PDCD10: variants seen among roughly 807,000 people sequenced by gnomAD.
PDCD10 encodes programmed cell death 10, also known as programmed cell death protein 10.
In PDCD10, 4 loss-of-function variants were observed where a neutral mutation model predicts 29.2. The ratio of observed to expected loss-of-function variants is 0.14; its 90% confidence interval spans 0.07 to 0.31. The LOEUF is 0.31. Ranked by LOEUF, PDCD10 falls within the 10% of genes least tolerant of loss-of-function variation. The probability of loss-of-function intolerance (pLI) is 1.00; values close to 1 mark genes in which losing one functional copy is unlikely to be tolerated. For synonymous variants in PDCD10, 70 were observed against 82.2 expected (o/e 0.85, Z 0.80); for missense variants, 183 against 257.9 (o/e 0.71, Z 1.99).
chr3:167,722,764 G>C (rs891553874), intron 2 of PDCD10, among the ~76,000 whole-genome samples: 2 of 152,152 alleles, frequency 1.3e-5, no homozygotes, highest in Non-Finnish European at 2.9e-5. Flanking sequence ...GAGGTAAAGG[G>C]ATAAGGTAAG....
intron 3 of PDCD10, among the ~76,000 whole-genome samples, chr3:167,707,413 T>C (rs543766151): frequency 6.6e-6 from 1 of 152,240 alleles, no homozygotes; most frequent in South Asian, 2.1e-4. Flanking sequence ...GCACGGTGGC[T>C]CACGTCTGTA....
chr3:167,719,355 C>T (rs1723344721), intron 3 of PDCD10, among the ~76,000 whole-genome samples: 1 of 152,016 alleles, frequency 6.6e-6, no homozygotes, highest in Non-Finnish European at 1.5e-5. Flanking sequence ...AAAATAATTT[C>T]ACATATCAGG....
intron 2 of PDCD10, among the ~76,000 whole-genome samples, chr3:167,721,195 G>A (rs1292014919): frequency 2.0e-5 from 3 of 152,070 alleles, no homozygotes; most frequent in African/African-American, 7.2e-5. Flanking sequence ...CATTTTCATA[G>A]TATAAAACAT....
chr3:167,702,707 T>C (rs1472460806), intron 4 of PDCD10, among the ~76,000 whole-genome samples: 2 of 152,194 alleles, frequency 1.3e-5, no homozygotes, highest in Non-Finnish European at 2.9e-5. Flanking sequence ...GGACCAATAA[T>C]TGGAATTATG....
intron 3 of PDCD10, among the ~76,000 whole-genome samples, chr3:167,708,044 G>C (rs1471656780): frequency 1.3e-5 from 2 of 152,124 alleles, no homozygotes; most frequent in Non-Finnish European, 2.9e-5. Context: ...TCTGCCTACT[G>C]TTTTGTGAAC....
intron 3 of PDCD10, among the ~76,000 whole-genome samples, chr3:167,710,194 GA>G (rs35244164): frequency 6.6e-6 from 1 of 152,056 alleles, no homozygotes; most frequent in Admixed American, 6.5e-5. Flanking sequence ...ACTCCTGCTT[GA>G]AAAAAGCAAA....
chr3:167,707,053 TCTTGAGTTCCTACCATGTA>T (rs1175530868), intron 3 of PDCD10, among the ~76,000 whole-genome samples: 1 of 152,206 alleles, frequency 6.6e-6, no homozygotes. Flanking sequence ...ACTGACATAT[TCTTGAGTTCCTACCATGTA>T]CTTGAGTTCC....
At position 167,720,345 on chromosome 3, in the gene PDCD10, T is replaced by C. The variant is rs1050607500; in HGVS notation, c.-116-72A>G. On this transcript the variant is annotated intron_variant, in intron 2 of 8. Coordinates refer to ENST00000392750, the MANE Select transcript of PDCD10 (RefSeq NM_007217.4). ...AACGACAAATACCAATAATTTTCCT[T>C]TCCAAATTACAGAGTTCCTATTTTA... The C allele has an allele frequency of 2.6e-5, 15 of 566,290 alleles. No individual in the cohort carries two copies. In the Admixed American group the frequency reaches 4.6e-4, roughly 17 times the overall value. 35.1% of individuals were successfully genotyped at this position (566,290 alleles called of 1,614,324 possible). A position where few individuals can be genotyped will look rare whatever the true frequency, so the allele number is the denominator to read the frequency against.
At chr3:167,719,903 CTT>C (rs1398228290) in intron 3 of PDCD10, among the ~76,000 whole-genome samples, 157 bp downstream of exon 3, 3 of 152,006 alleles carry the variant, frequency 2.0e-5, no homozygotes, top group African/African-American at 7.2e-5. Flanking sequence ...ATCTGCTTGG[CTT>C]TGTTTTCACT....
At chr3:167,719,488 A>C (rs1157054052) in intron 3 of PDCD10, among the ~76,000 whole-genome samples, 2 of 152,162 alleles carry the variant, frequency 1.3e-5, no homozygotes, top group African/African-American at 2.4e-5. Flanking sequence ...ATATATCAAT[A>C]TTAAGTCTAA....
At chr3:167,706,783 G>A (rs983286102) in intron 3 of PDCD10, among the ~76,000 whole-genome samples, 1 of 152,082 alleles carries the variant, frequency 6.6e-6, no homozygotes, top group Non-Finnish European at 1.5e-5. Context: ...ACAGTACCAG[G>A]CATATATCCA....
intron 6 of PDCD10, among the ~76,000 whole-genome samples, chr3:167,694,065 C>A (rs992822635): frequency 2.0e-5 from 3 of 151,912 alleles, no homozygotes. Flanking sequence ...AAGCTGACAC[C>A]CATAACAGTC....
chr3:167,703,987 T>A (rs548511233), intron 4 of PDCD10, among the ~76,000 whole-genome samples: 2 of 152,190 alleles, frequency 1.3e-5, no homozygotes, highest in Admixed American at 6.5e-5. Flanking sequence ...TGATCTGACC[T>A]AGTCTTATTT....
chr3:167,715,315 C>A (rs968853366), intron 3 of PDCD10, among the ~76,000 whole-genome samples: 23 of 151,852 alleles, frequency 1.5e-4, no homozygotes, highest in Admixed American at 8.5e-4. Flanking sequence ...GAAACTACTA[C>A]AGGAAAACAT....
At chr3:167,724,991 T>G (rs1243561482) in intron 2 of PDCD10, among the ~76,000 whole-genome samples, 1 of 152,160 alleles carries the variant, frequency 6.6e-6, no homozygotes, top group African/African-American at 2.4e-5. Flanking sequence ...GCACGGTGGC[T>G]CATGCCTGTA....
chr3:167,710,252 G>C (rs1402455484), intron 3 of PDCD10, among the ~76,000 whole-genome samples: 1 of 152,156 alleles, frequency 6.6e-6, no homozygotes. Flanking sequence ...TACCACTTTG[G>C]ATCTTGGGGT....
chr3:167,692,954 C>T (rs1379540027), intron 6 of PDCD10, among the ~76,000 whole-genome samples: 2 of 152,124 alleles, frequency 1.3e-5, no homozygotes, highest in African/African-American at 4.8e-5. Context: ...ACAAAAAAAC[C>T]CTTAGTGTTT....
chr3:167,694,340 G>A (rs1720573077), intron 6 of PDCD10: 2 of 206,370 alleles, frequency 9.7e-6, no homozygotes, highest in Middle Eastern at 5.1e-4. Flanking sequence ...GACATGGTAT[G>A]CGATATTAAT....
intron 2 of PDCD10, among the ~76,000 whole-genome samples, chr3:167,724,920 A>T (rs1284813429): frequency 6.6e-6 from 1 of 152,210 alleles, no homozygotes; most frequent in Non-Finnish European, 1.5e-5. Flanking sequence ...GATTTCAATT[A>T]ACTGACAATT....
Sources: allele counts gnomAD v4.1 joint callset (sites outside exome capture counted in the v4.1 genomes callset), GRCh38; gene constraint gnomAD v4.1.1; transcripts MANE v1.5; gene names NCBI Gene and HGNC (gene_info 2026-07-23, HGNC 2026-07-21).